Variants in VWA8 observed in about 807,000 individuals in gnomAD.
The protein encoded by VWA8 is von Willebrand factor A domain-containing protein 8.
In VWA8, 221 loss-of-function variants were observed where a neutral mutation model predicts 241.5. That is an observed-to-expected ratio of 0.91 (90% CI 0.82 to 1.02). The LOEUF (loss-of-function observed/expected upper bound fraction) is 1.02. VWA8 is among the 50% of genes least tolerant of loss of function. VWA8 has a pLI of 0.00. For synonymous variants in VWA8, 852 were observed against 827.1 expected (o/e 1.03, Z -0.52); for missense variants, 2,322 against 2,328.7 (o/e 1.00, Z 0.06).
intron 26 of VWA8, chr13:41,719,263 G>T: frequency 1.3e-6 from 1 of 788,312 alleles, no homozygotes; most frequent in Non-Finnish European, 1.6e-6. Context: ...TGATTTTCAT[G>T]CTCGTACAAT....
chr13:41,887,462 C>T, intron 5 of VWA8, 101 bp from the exon 6 acceptor site: 4 of 1,293,466 alleles, frequency 3.1e-6, no homozygotes, highest in Non-Finnish European at 4.2e-6. Context: ...GTTGAGAAAA[C>T]TGTATTGGAG....
intron 37 of VWA8, among the ~76,000 whole-genome samples, chr13:41,647,442 T>C (rs141666209): frequency 2.2e-4 from 33 of 152,374 alleles, no homozygotes; most frequent in African/African-American, 4.8e-4. Context: ...TGTGTTCATT[T>C]AAAAGACTTA....
chr13:41,772,490 C>T (rs1399016812), intron 20 of VWA8, among the ~76,000 whole-genome samples: 1 of 152,050 alleles, frequency 6.6e-6, no homozygotes, highest in Non-Finnish European at 1.5e-5. Flanking sequence ...CATGAAGCTC[C>T]TAATAGTAAT....
intron 17 of VWA8, among the ~76,000 whole-genome samples, chr13:41,809,030 T>C (rs937621506): frequency 1.3e-5 from 2 of 151,744 alleles, no homozygotes; most frequent in Admixed American, 6.6e-5. Context: ...TAAAATAATA[T>C]ATATAAGAAT....
chr13:41,818,094 C>G (rs1223839571), intron 15 of VWA8, among the ~76,000 whole-genome samples: 2 of 151,762 alleles, frequency 1.3e-5, no homozygotes, highest in Non-Finnish European at 2.9e-5. Flanking sequence ...TCCTGAGTAG[C>G]TGGGAATACA....
intron 2 of VWA8, among the ~76,000 whole-genome samples, chr13:41,924,588 A>G (rs1454569542): frequency 6.6e-6 from 1 of 152,092 alleles, no homozygotes; most frequent in East Asian, 1.9e-4. Flanking sequence ...GGAGACAAAG[A>G]CAGGGACAGA....
intron 15 of VWA8, among the ~76,000 whole-genome samples, chr13:41,818,004 T>G (rs1363580121): frequency 6.6e-6 from 1 of 151,404 alleles, no homozygotes; most frequent in Admixed American, 6.6e-5. Context: ...ACTCTGTCAC[T>G]CAGGCTGGAG....
intron 21 of VWA8, among the ~76,000 whole-genome samples, chr13:41,755,692 T>C (rs1377265237): frequency 6.6e-6 from 1 of 151,882 alleles, no homozygotes; most frequent in Non-Finnish European, 1.5e-5. Flanking sequence ...GTATCTCTAA[T>C]CCTTTAAACT....
intron 13 of VWA8, among the ~76,000 whole-genome samples, chr13:41,830,912 G>A (rs568660472): frequency 6.6e-6 from 1 of 151,996 alleles, no homozygotes; most frequent in South Asian, 2.1e-4. Flanking sequence ...GGAGGAGGAA[G>A]GAGAGCAAAA....
chr13:41,872,300 C>A (rs1200594052), intron 9 of VWA8, among the ~76,000 whole-genome samples: 2 of 152,174 alleles, frequency 1.3e-5, no homozygotes, highest in South Asian at 2.1e-4. Flanking sequence ...TGCAGAAGCT[C>A]TTTAGTTTAA....
At chr13:41,865,691 C>A in intron 12 of VWA8, 45 bp downstream of exon 12, 1 of 1,604,246 alleles carries the variant, frequency 6.2e-7, no homozygotes, top group South Asian at 1.1e-5. Flanking sequence ...ATGGCCTAAG[C>A]ATATATGCTT....
At chr13:41,640,435 T>C (rs1398473452) in intron 37 of VWA8, among the ~76,000 whole-genome samples, 1 of 152,208 alleles carries the variant, frequency 6.6e-6, no homozygotes, top group African/African-American at 2.4e-5. Context: ...GATATTCTCC[T>C]TGCTTAATAA....
intron 6 of VWA8, 123 bp downstream of exon 6, chr13:41,887,074 C>A: frequency 6.0e-6 from 7 of 1,176,248 alleles, no homozygotes; most frequent in Non-Finnish European, 8.2e-6. Context: ...TCTTTATTCT[C>A]ATATCTTTCC....
At chr13:41,853,802 T>C (rs1872619384) in intron 12 of VWA8, among the ~76,000 whole-genome samples, 1 of 152,184 alleles carries the variant, frequency 6.6e-6, no homozygotes, top group Non-Finnish European at 1.5e-5. Flanking sequence ...CAACTCTTAG[T>C]TACACGGATC....
chr13:41,851,439 C>T (rs1169257467), intron 12 of VWA8, among the ~76,000 whole-genome samples: 1 of 152,190 alleles, frequency 6.6e-6, no homozygotes, highest in African/African-American at 2.4e-5. Context: ...CCCTTCAAAT[C>T]TCAACTTGAA....
intron 12 of VWA8, among the ~76,000 whole-genome samples, chr13:41,834,919 A>G (rs1351009161): frequency 6.6e-6 from 1 of 152,250 alleles, no homozygotes; most frequent in Admixed American, 6.5e-5. Context: ...GAACTAGATC[A>G]TGTCCTTTGC....
At chr13:41,823,627 A>T (rs561599148) in intron 14 of VWA8, among the ~76,000 whole-genome samples, 11 of 152,324 alleles carry the variant, frequency 7.2e-5, no homozygotes, top group Non-Finnish European at 1.3e-4. Flanking sequence ...AAATACAGGC[A>T]TAGTATCTGG....
intron 34 of VWA8, among the ~76,000 whole-genome samples, chr13:41,687,303 G>A (rs954784308): frequency 3.9e-5 from 6 of 152,190 alleles, no homozygotes; most frequent in African/African-American, 1.4e-4. Context: ...TATTTCTAAT[G>A]AGAAAAGAAA....
intron 4 of VWA8, among the ~76,000 whole-genome samples, chr13:41,899,477 A>G: frequency 6.6e-6 from 1 of 152,278 alleles, no homozygotes; most frequent in South Asian, 2.1e-4. Context: ...AAACTTTAAA[A>G]ATATAAATAA....
Sources: allele counts gnomAD v4.1 joint callset (sites outside exome capture counted in the v4.1 genomes callset), GRCh38; gene constraint gnomAD v4.1.1; transcripts MANE v1.5; gene names NCBI Gene and HGNC (gene_info 2026-07-23, HGNC 2026-07-21).